Variants in PTPRD observed in about 807,000 individuals in gnomAD.
PTPRD encodes the protein receptor-type tyrosine-protein phosphatase delta.
In PTPRD, 34 loss-of-function variants were observed where a neutral mutation model predicts 214.5. The observed-to-expected ratio is 0.16, with a 90% CI of 0.12 to 0.21. PTPRD has a LOEUF of 0.21. Among genes scored for constraint, PTPRD ranks in the 10% least tolerant of loss-of-function variants. The pLI is 1.00. For missense variants in PTPRD, 2,545 were observed against 2,398.7 expected, an observed-to-expected ratio of 1.06 and a Z score of -1.27; for synonymous variants, 1,128 against 845.7, an observed-to-expected ratio of 1.33 and a Z score of -5.79.
At chr9:8,823,174 G>C (rs2097105847) in intron 11 of PTPRD, among the ~76,000 whole-genome samples, 2 of 151,924 alleles carry the variant, frequency 1.3e-5, no homozygotes, top group Admixed American at 1.3e-4. Flanking sequence ...CTTACCACTT[G>C]GGCCTGTTCT....
intron 8 of PTPRD, among the ~76,000 whole-genome samples, chr9:9,429,759 A>G (rs116657563): frequency 0.065 from 9,960 of 152,252 alleles, 360 homozygotes; most frequent in Middle Eastern, 0.17. Context: ...ACATAAATCA[A>G]TAAACATAAT....
chr9:10,457,902 G>A (rs1351027194), intron 2 of PTPRD, among the ~76,000 whole-genome samples: 2 of 151,814 alleles, frequency 1.3e-5, no homozygotes, highest in Non-Finnish European at 2.9e-5. Context: ...GAAATGTAAA[G>A]GATCATAAGG....
At chr9:8,318,071 T>G (rs1823237587) in intron 45 of PTPRD, 129 bp from the exon 46 acceptor site, 8 of 782,236 alleles carry the variant, frequency 1.0e-5, no homozygotes, top group Non-Finnish European at 1.7e-5. Context: ...TTTCGTCAAC[T>G]GGTCTAATCC....
At chr9:8,501,418 C>CA (rs2097403519) in intron 23 of PTPRD, among the ~76,000 whole-genome samples, 1 of 152,222 alleles carries the variant, frequency 6.6e-6, no homozygotes, top group Admixed American at 6.5e-5. Context: ...TACCCAGCTT[C>CA]AAAAAAGCTG....
intron 2 of PTPRD, among the ~76,000 whole-genome samples, chr9:10,604,386 T>TA (rs1398951035): frequency 6.6e-6 from 1 of 151,820 alleles, no homozygotes; most frequent in Non-Finnish European, 1.5e-5. Flanking sequence ...AATGTGTAAT[T>TA]TGTTTTATTA....
At chr9:9,336,779 C>T (rs1010870320) in intron 9 of PTPRD, among the ~76,000 whole-genome samples, 3 of 152,074 alleles carry the variant, frequency 2.0e-5, no homozygotes, top group Non-Finnish European at 4.4e-5. Context: ...GAAATTTATA[C>T]TTTAATAATT....
At chr9:9,436,345 C>T (rs1268751058) in intron 8 of PTPRD, among the ~76,000 whole-genome samples, 1 of 152,074 alleles carries the variant, frequency 6.6e-6, no homozygotes, top group Non-Finnish European at 1.5e-5. Flanking sequence ...AATAGGACTA[C>T]CTGCACATAA....
intron 10 of PTPRD, among the ~76,000 whole-genome samples, chr9:9,062,625 G>C (rs1191231002): frequency 3.3e-5 from 5 of 151,942 alleles, no homozygotes; most frequent in Admixed American, 2.6e-4. Context: ...GAGAAAATAA[G>C]GTCCAAAATT....
chr9:8,978,396 G>T (rs531095644), intron 11 of PTPRD, among the ~76,000 whole-genome samples: 40 of 152,192 alleles, frequency 2.6e-4, no homozygotes, highest in African/African-American at 8.9e-4. Context: ...AGCTTAGCCT[G>T]GTAGTTTTCA....
At chr9:8,966,586 T>C (rs12350901) in intron 11 of PTPRD, among the ~76,000 whole-genome samples, 26,637 of 151,920 alleles carry the variant, frequency 0.18, 2,586 homozygotes, top group Non-Finnish European at 0.22. Context: ...GACCCCTATA[T>C]ACTATATACA....
intron 14 of PTPRD, among the ~76,000 whole-genome samples, chr9:8,572,946 C>T (rs1207787134): frequency 6.6e-6 from 1 of 151,904 alleles, no homozygotes; most frequent in Non-Finnish European, 1.5e-5. Context: ...AAATATTCAA[C>T]GTTGTTGATA....
In PTPRD at chr9:9,110,350, AG is replaced by A. The variant is rs142234458; in HGVS notation, c.-143+72953del. 7.9e-5 allele frequency among the ~76,000 whole-genome samples: 12 copies of A among 152,220 alleles called. No homozygotes were observed. In the East Asian group the frequency reaches 2.3e-3, roughly 29 times the overall value. On this transcript the variant is annotated intron_variant, in intron 10 of 45. Coordinates refer to ENST00000381196, the MANE Select transcript of PTPRD (RefSeq NM_002839.4). ...AGCATTATAGATATGCAAATTCTTG[AG>A]CCCCACCTCAGAATCAGAAACTTTG...
At chr9:9,672,461 C>T (rs1003628258) in intron 7 of PTPRD, among the ~76,000 whole-genome samples, 2 of 152,040 alleles carry the variant, frequency 1.3e-5, no homozygotes, top group East Asian at 3.9e-4. Flanking sequence ...TATAAAAATA[C>T]ATGATTACTT....
intron 5 of PTPRD, among the ~76,000 whole-genome samples, chr9:9,837,228 G>T (rs550305490): frequency 1.3e-5 from 2 of 152,194 alleles, no homozygotes; most frequent in South Asian, 4.1e-4. Flanking sequence ...AATGAGAAAA[G>T]AAATGGGCAT....
chr9:10,208,305 G>A (rs1426255088), intron 3 of PTPRD, among the ~76,000 whole-genome samples: 1 of 152,200 alleles, frequency 6.6e-6, no homozygotes, highest in South Asian at 2.1e-4. Context: ...ACGAGGTCAG[G>A]AGATCGACGC....
At chr9:10,237,811 A>G (rs1463322326) in intron 3 of PTPRD, among the ~76,000 whole-genome samples, 3 of 151,984 alleles carry the variant, frequency 2.0e-5, no homozygotes, top group Non-Finnish European at 2.9e-5. Flanking sequence ...CATTATGAGT[A>G]TAGTGTCCAT....
chr9:8,328,218 G>A (rs1429669894), intron 44 of PTPRD, among the ~76,000 whole-genome samples: 6 of 152,142 alleles, frequency 3.9e-5, no homozygotes, highest in Non-Finnish European at 8.8e-5. Context: ...GCCTGGTGGT[G>A]ACAAAATCTC....
chr9:9,292,417 G>A (rs1476406577), intron 9 of PTPRD, among the ~76,000 whole-genome samples: 1 of 151,004 alleles, frequency 6.6e-6, no homozygotes, highest in Non-Finnish European at 1.5e-5. Context: ...CACATAAGAG[G>A]TTTTCTTTCT....
At chr9:9,608,399 C>T (rs117935835) in intron 7 of PTPRD, among the ~76,000 whole-genome samples, 291 of 152,194 alleles carry the variant, frequency 1.9e-3, no homozygotes, top group Non-Finnish European at 3.7e-3. Context: ...GTTTTTAAAT[C>T]TAGGCTGTCC....
Sources: gnomAD v4.1 joint callset for allele counts (sites outside exome capture counted in the v4.1 genomes callset) on GRCh38, gnomAD v4.1.1 for gene constraint, MANE v1.5 for transcripts, NCBI Gene and HGNC (gene_info 2026-07-23, HGNC 2026-07-21) for gene names.